The following CMSS1 variants were observed in gnomAD, a reference collection of about 807,000 sequenced individuals.
CMSS1 encodes cms1 ribosomal small subunit homolog.
A neutral mutation model predicts 43.5 loss-of-function variants in CMSS1; 33 were observed. That is an observed-to-expected ratio of 0.76 (90% CI 0.57 to 1.01). CMSS1 has a LOEUF of 1.01. Ranked by LOEUF, CMSS1 falls within the 50% of genes least tolerant of loss-of-function variation. The pLI is 0.00. For missense variants in CMSS1, 313 were observed against 326.4 expected, an observed-to-expected ratio of 0.96 and a Z score of 0.32; for synonymous variants, 115 against 117.2, an observed-to-expected ratio of 0.98 and a Z score of 0.12.
intron 1 of CMSS1, among the ~76,000 whole-genome samples, chr3:99,961,113 G>A (rs1708477641): frequency 6.6e-6 from 1 of 152,140 alleles, no homozygotes; most frequent in African/African-American, 2.4e-5. Flanking sequence ...CTTGGAAAAT[G>A]CAATAAATCT....
rs143577290 is a variant in CMSS1 at position 99,898,617 on chromosome 3, C to T, written c.64+80574C>T. The T allele has an allele frequency of 9.5e-3, 1,825 of 192,322 alleles. 19 individuals are homozygous for T. The highest frequency in any genetic ancestry group is 0.026 in the African/African-American group (1,082 of 42,122). 11.9% of individuals were successfully genotyped at this position (192,322 alleles called of 1,614,324 possible). ...CTCTGTCTCTACAAAAATACAAAAA[C>T]TAGCTGGGCATGATGGCGGGTGCCT... is the stretch of plus-strand genomic sequence containing the variant. On this transcript the variant is annotated intron_variant, in intron 1 of 9. Coordinates refer to ENST00000421999, the MANE Select transcript of CMSS1 (RefSeq NM_032359.4).
At chr3:100,015,726 G>T (rs1710320670) in intron 1 of CMSS1, among the ~76,000 whole-genome samples, 1 of 152,150 alleles carries the variant, frequency 6.6e-6, no homozygotes, top group Admixed American at 6.5e-5. Context: ...CTTTCATCAA[G>T]CTGTAAGTTC....
chr3:100,037,361 T>A (rs1393784178), intron 1 of CMSS1, among the ~76,000 whole-genome samples: 1 of 152,012 alleles, frequency 6.6e-6, no homozygotes, highest in African/African-American at 2.4e-5. Flanking sequence ...TGAATATGGG[T>A]GAAGGGTAAA....
intron 1 of CMSS1, among the ~76,000 whole-genome samples, chr3:99,853,394 C>G (rs1943801282): frequency 6.6e-6 from 1 of 152,164 alleles, no homozygotes; most frequent in African/African-American, 2.4e-5. Context: ...TAAATTATAG[C>G]ATGTGCTATG....
At chr3:99,917,583 T>C (rs150924554) in intron 1 of CMSS1, among the ~76,000 whole-genome samples, 194 of 152,362 alleles carry the variant, frequency 1.3e-3, no homozygotes, top group Non-Finnish European at 2.4e-3. Flanking sequence ...TTGCTAGGTC[T>C]TTTCTAGCTT....
At chr3:99,993,288 T>C (rs1182604076) in intron 1 of CMSS1, among the ~76,000 whole-genome samples, 3 of 152,072 alleles carry the variant, frequency 2.0e-5, no homozygotes, top group African/African-American at 7.2e-5. Flanking sequence ...GCATGGATGT[T>C]TTTTCATTTG....
intron 1 of CMSS1, among the ~76,000 whole-genome samples, chr3:99,928,259 A>G (rs1707360024): frequency 6.6e-6 from 1 of 152,162 alleles, no homozygotes; most frequent in African/African-American, 2.4e-5. Flanking sequence ...CCTCTCACCT[A>G]GTACTTCCTA....
intron 1 of CMSS1, among the ~76,000 whole-genome samples, chr3:100,060,272 C>T (rs2065539210): frequency 6.6e-6 from 1 of 152,052 alleles, no homozygotes; most frequent in Non-Finnish European, 1.5e-5. Context: ...GAGTGAAGTA[C>T]CATGCAAGGA....
intron 1 of CMSS1, among the ~76,000 whole-genome samples, chr3:100,131,517 G>A (rs975917869): frequency 4.6e-5 from 7 of 152,150 alleles, no homozygotes; most frequent in African/African-American, 1.4e-4. Context: ...GGGCATTGTG[G>A]AAGGACACAG....
At chr3:99,829,929 GT>G (rs1245604304) in intron 1 of CMSS1, among the ~76,000 whole-genome samples, 1 of 152,142 alleles carries the variant, frequency 6.6e-6, no homozygotes, top group African/African-American at 2.4e-5. Context: ...AGAAATCATA[GT>G]TTTAGACCTT....
At chr3:100,099,073 T>G (rs2066261168) in intron 1 of CMSS1, among the ~76,000 whole-genome samples, 1 of 152,228 alleles carries the variant, frequency 6.6e-6, no homozygotes. Context: ...AATGATCATT[T>G]TTCATTTGTA....
intron 1 of CMSS1, among the ~76,000 whole-genome samples, chr3:99,984,921 G>A (rs1440420959): frequency 6.6e-6 from 1 of 152,126 alleles, no homozygotes; most frequent in Non-Finnish European, 1.5e-5. Context: ...TGGACAACTG[G>A]AATTCCCAGG....
intron 1 of CMSS1, among the ~76,000 whole-genome samples, chr3:99,950,272 A>C (rs1350892409): frequency 6.6e-6 from 1 of 152,208 alleles, no homozygotes; most frequent in Non-Finnish European, 1.5e-5. Context: ...TTACTGGAAA[A>C]GGATGATAGT....
At chr3:100,059,251 C>G (rs2065518181) in intron 1 of CMSS1, among the ~76,000 whole-genome samples, 1 of 152,178 alleles carries the variant, frequency 6.6e-6, no homozygotes, top group African/African-American at 2.4e-5. Flanking sequence ...AATACAATGC[C>G]TCTTAATTTT....
At chr3:100,074,668 A>C (rs1233291488) in intron 1 of CMSS1, among the ~76,000 whole-genome samples, 1 of 72,300 alleles carries the variant, frequency 1.4e-5, no homozygotes, top group African/African-American at 4.7e-5. Context: ...TGCATGTGCA[A>C]CATTTGATTT....
intron 1 of CMSS1, among the ~76,000 whole-genome samples, chr3:99,916,513 A>C (rs958404520): frequency 6.6e-6 from 1 of 151,266 alleles, no homozygotes; most frequent in Non-Finnish European, 1.5e-5. Context: ...GACCCTGACA[A>C]ATACAGTGCT....
chr3:100,013,507 G>A (rs530613570), intron 1 of CMSS1, among the ~76,000 whole-genome samples: 227 of 152,210 alleles, frequency 1.5e-3, no homozygotes, highest in Middle Eastern at 3.4e-3. Flanking sequence ...GCCTCCCAAA[G>A]TGCTGGGATT....
chr3:99,848,647 G>A, intron 1 of CMSS1: 1 of 1,614,168 alleles, frequency 6.2e-7, no homozygotes, highest in Non-Finnish European at 8.5e-7. Flanking sequence ...AGAGCTAGCT[G>A]AACCAGTCAC....
chr3:99,979,312 T>C (rs959349366), intron 1 of CMSS1, among the ~76,000 whole-genome samples: 2 of 152,202 alleles, frequency 1.3e-5, no homozygotes, highest in Non-Finnish European at 2.9e-5. Context: ...TGGCCTTCTT[T>C]TGGGAAACAC....
Sources: allele counts gnomAD v4.1 joint callset (sites outside exome capture counted in the v4.1 genomes callset), GRCh38; gene constraint gnomAD v4.1.1; transcripts MANE v1.5; gene names NCBI Gene and HGNC (gene_info 2026-07-23, HGNC 2026-07-21).